The following NIPSNAP2 variants were observed in gnomAD, a reference collection of about 807,000 sequenced individuals.
NIPSNAP2 encodes the protein protein NipSnap homolog 2.
Under a neutral mutation model 48.4 loss-of-function variants are expected in NIPSNAP2, and 42 were observed. The ratio of observed to expected loss-of-function variants is 0.87; its 90% CI spans 0.68 to 1.12. The LOEUF is 1.12. Among genes scored for constraint, NIPSNAP2 ranks in the 50% most tolerant of loss-of-function variants. The pLI is 0.00. For synonymous variants in NIPSNAP2, 158 were observed against 126.6 expected (o/e 1.25, Z -1.67); for missense variants, 314 against 347.3 (o/e 0.90, Z 0.76).
chr7:55,989,330 C>A (rs1045075868), intron 7 of NIPSNAP2, among the ~76,000 whole-genome samples: 1 of 152,146 alleles, frequency 6.6e-6, no homozygotes, highest in Non-Finnish European at 1.5e-5. Flanking sequence ...CAGAGACATA[C>A]AAAGCCTCAA....
intron 7 of NIPSNAP2, among the ~76,000 whole-genome samples, chr7:55,989,030 G>A (rs1787390496): frequency 6.6e-6 from 1 of 152,094 alleles, no homozygotes; most frequent in African/African-American, 2.4e-5. Context: ...AAGTTAGAAA[G>A]CAAACATCCA....
intron 1 of NIPSNAP2, among the ~76,000 whole-genome samples, chr7:55,966,910 C>G (rs1282163153): frequency 6.6e-6 from 1 of 152,210 alleles, no homozygotes; most frequent in Non-Finnish European, 1.5e-5. Context: ...GGAGGGGGAG[C>G]TGGCAAGCTC....
chr7:55,965,793 C>G (rs1194952222), intron 1 of NIPSNAP2, among the ~76,000 whole-genome samples: 1 of 152,146 alleles, frequency 6.6e-6, no homozygotes, highest in Non-Finnish European at 1.5e-5. Flanking sequence ...GTTGGTCAGG[C>G]TGATCTCGAA....
chr7:55,982,692 C>T (rs1787239336), intron 5 of NIPSNAP2, among the ~76,000 whole-genome samples: 1 of 150,080 alleles, frequency 6.7e-6, no homozygotes, highest in Non-Finnish European at 1.5e-5. Flanking sequence ...GTGGAGCTTG[C>T]AGTGAGCTGA....
chr7:55,984,901 A>AT (rs780226393), intron 7 of NIPSNAP2, 23 bp downstream of exon 7: 31 of 1,591,264 alleles, frequency 1.9e-5, no homozygotes, highest in South Asian at 2.3e-5. Context: ...CTGAATGGTG[A>AT]TTTTTTAAGT....
At chr7:55,993,399 G>A (rs1202593825) in intron 7 of NIPSNAP2, among the ~76,000 whole-genome samples, 1 of 151,760 alleles carries the variant, frequency 6.6e-6, no homozygotes, top group Non-Finnish European at 1.5e-5. Context: ...CCAACATGGC[G>A]AAACCTCATG....
intron 8 of NIPSNAP2, among the ~76,000 whole-genome samples, chr7:55,996,911 T>C (rs1787574608): frequency 6.6e-6 from 1 of 152,126 alleles, no homozygotes; most frequent in South Asian, 2.1e-4. Flanking sequence ...CCAGGCGTGG[T>C]GGCTCACCCC....
intron 1 of NIPSNAP2, among the ~76,000 whole-genome samples, chr7:55,977,857 T>C (rs1242404792): frequency 6.6e-6 from 1 of 152,226 alleles, no homozygotes; most frequent in East Asian, 1.9e-4. Flanking sequence ...TATCCATGTA[T>C]ATTTTTTCTG....
chr7:55,989,382 C>T (rs966476052), intron 7 of NIPSNAP2, among the ~76,000 whole-genome samples: 3 of 152,136 alleles, frequency 2.0e-5, no homozygotes, highest in Non-Finnish European at 4.4e-5. Flanking sequence ...TCCAACACTT[C>T]GGGCGGCTGA....
intron 7 of NIPSNAP2, among the ~76,000 whole-genome samples, chr7:55,989,347 G>A (rs534722274): frequency 1.8e-4 from 27 of 152,272 alleles, no homozygotes; most frequent in Admixed American, 1.0e-3. Context: ...TCAATAGGCC[G>A]GGTGCTATGG....
intron 3 of NIPSNAP2, chr7:55,980,256 A>G (rs2116348526): frequency 5.6e-6 from 1 of 178,044 alleles, no homozygotes; most frequent in East Asian, 1.3e-4. Context: ...AAAAGTACAC[A>G]TGATGTGGTC....
rs911089581 is a variant in NIPSNAP2, at chr7:55,999,378, G to A, written c.*306G>A. On this transcript the variant is annotated 3_prime_UTR_variant, in exon 10 of 10. Coordinates refer to ENST00000322090, the MANE Select transcript of NIPSNAP2 (RefSeq NM_001483.3). ...TCCACGTTGAATTCTGAATCATCTT[G>A]AAAATAAGATTCCAACCACAAAAAA... 2 of 237,626 alleles carry A rather than the reference G, an allele frequency of 8.4e-6. No individual in the cohort carries two copies. The highest frequency in any genetic ancestry group is 4.5e-5 in the African/African-American group (2 of 44,594). The allele number at this position is 237,626 out of a possible 1,614,324, so 14.7% of individuals were successfully genotyped here. A position where few individuals can be genotyped will look rare whatever the true frequency, so the allele number is the denominator to read the frequency against.
chr7:55,992,205 C>T (rs1787470066), intron 7 of NIPSNAP2, among the ~76,000 whole-genome samples: 1 of 152,022 alleles, frequency 6.6e-6, no homozygotes. Flanking sequence ...GCACTGAGCC[C>T]ATGGTGGATT....
At chr7:55,974,509 G>T (rs1787070832) in intron 1 of NIPSNAP2, among the ~76,000 whole-genome samples, 1 of 151,766 alleles carries the variant, frequency 6.6e-6, no homozygotes, top group South Asian at 2.1e-4. Flanking sequence ...ATGTTTACCT[G>T]GTGGTATCTG....
At chr7:55,986,050 AAAAAT>A (rs962205586) in intron 7 of NIPSNAP2, among the ~76,000 whole-genome samples, 5 of 152,008 alleles carry the variant, frequency 3.3e-5, no homozygotes, top group South Asian at 2.1e-4. Flanking sequence ...TCCTTTTCAA[AAAAAT>A]AAAATAAAAA....
chr7:55,967,677 G>T (rs1413579041), intron 1 of NIPSNAP2, among the ~76,000 whole-genome samples: 1 of 148,138 alleles, frequency 6.8e-6, no homozygotes, highest in African/African-American at 2.5e-5. Context: ...GAGACAGAGT[G>T]TCACTCTGTT....
At chr7:55,971,994 A>G (rs1006504942) in intron 1 of NIPSNAP2, among the ~76,000 whole-genome samples, 4 of 152,144 alleles carry the variant, frequency 2.6e-5, no homozygotes, top group Admixed American at 2.6e-4. Context: ...CTGTTTAATG[A>G]ACTTAAAATC....
At chr7:55,976,286 G>A (rs1176418147) in intron 1 of NIPSNAP2, among the ~76,000 whole-genome samples, 2 of 152,144 alleles carry the variant, frequency 1.3e-5, no homozygotes, top group African/African-American at 2.4e-5. Flanking sequence ...TCTTTTTATC[G>A]AGTGCATATT....
chr7:55,989,386 C>T (rs550168815), intron 7 of NIPSNAP2, among the ~76,000 whole-genome samples: 4 of 152,070 alleles, frequency 2.6e-5, no homozygotes, highest in African/African-American at 7.2e-5. Flanking sequence ...ACACTTCGGG[C>T]GGCTGAGGTG....
Sources: gnomAD v4.1 joint callset for allele counts (sites outside exome capture counted in the v4.1 genomes callset) on GRCh38, gnomAD v4.1.1 for gene constraint, MANE v1.5 for transcripts, NCBI Gene and HGNC (gene_info 2026-07-23, HGNC 2026-07-21) for gene names.